Variants in C8A observed in about 807,000 individuals in gnomAD.
The protein encoded by C8A is complement component C8 alpha chain.
Under a neutral mutation model 65.3 loss-of-function variants are expected in C8A, and 67 were observed. That is an observed-to-expected ratio of 1.03 (90% confidence interval 0.84 to 1.26). C8A has a LOEUF of 1.26. Among genes scored for constraint, C8A ranks in the 50% most tolerant of loss-of-function variants. The pLI, the probability that C8A is intolerant of heterozygous loss-of-function variation, is 0.00. For missense variants in C8A, 781 were observed against 723.9 expected, an observed-to-expected ratio of 1.08 and a Z score of -0.90; for synonymous variants, 290 against 259.4, an observed-to-expected ratio of 1.12 and a Z score of -1.13.
chr1:56,917,557 C>T lies in C8A; in HGVS notation c.1604-8C>T. ...AACCTTCTCCTCCCTGGGAAATTTC[C>T]TCTGCAGGAGCCAAAGCAGATGGGA... is the stretch of plus-strand genomic sequence containing the variant. On this transcript the variant is annotated splice_polypyrimidine_tract_variant and splice_region_variant and intron_variant, in intron 10 of 10. Coordinates refer to ENST00000361249, the MANE Select transcript of C8A (RefSeq NM_000562.3). The T allele has an allele frequency of 6.2e-7, 1 of 1,614,130 alleles. No individual in the cohort carries two copies. Among genetic ancestry groups the T allele is most frequent in the South Asian group, 1.1e-5 (1 of 91,072 alleles).
At position 56,886,003 on chromosome 1, in the gene C8A, A is replaced by G. The variant is rs753059924; in HGVS notation, c.932A>G (p.Asp311Gly). Residue 311 changes from aspartate (D) to glycine (G), a missense_variant, in exon 7 of 11, where the codon GAT (aspartate) becomes GGT (glycine). Physicochemically the swap from Asp to Gly is moderately conservative, Grantham distance 94. Coordinates refer to ENST00000361249, the MANE Select transcript of C8A (RefSeq NM_000562.3). Reference protein sequence around the residue: ...FKMRKDDIMLDEGMLQSLMEL... With the variant: ...FKMRKDDIMLGEGMLQSLMEL... ...ATGAGGAAGGATGACATTATGCTGG[A>G]TGAAGGAATGCTGCAGTCATTAATG... 1.9e-6 allele frequency: 3 copies of G among 1,613,950 alleles called. No individual in the cohort carries two copies. In the African/African-American group the frequency reaches 4.0e-5, roughly 22 times the overall value.
chr1:56,888,028 T>C (rs556571707), intron 7 of C8A, among the ~76,000 whole-genome samples: 5 of 152,276 alleles, frequency 3.3e-5, no homozygotes, highest in South Asian at 4.1e-4. Context: ...AAATACCTAA[T>C]GTAGATGACG....
At chr1:56,882,665 T>C (rs1299506817) in intron 5 of C8A, among the ~76,000 whole-genome samples, 1 of 152,110 alleles carries the variant, frequency 6.6e-6, no homozygotes, top group Non-Finnish European at 1.5e-5. Flanking sequence ...CTCCAACCTC[T>C]ACTCTCTATC....
At chr1:56,875,985 A>C in intron 3 of C8A, 77 bp from the exon 4 acceptor site, 2 of 1,549,066 alleles carry the variant, frequency 1.3e-6, no homozygotes, top group Non-Finnish European at 1.8e-6. Context: ...TCTGAGGAAG[A>C]AAGGACTTAC....
At chr1:56,907,553 G>A (rs1321959825) in intron 8 of C8A, among the ~76,000 whole-genome samples, 2 of 152,074 alleles carry the variant, frequency 1.3e-5, no homozygotes, top group East Asian at 3.9e-4. Flanking sequence ...TTCTTTCACT[G>A]TGCCCACATT....
Position 56,883,697 on chromosome 1 carries a change from G to A in C8A, c.855+16G>A, listed in dbSNP as rs775559259. 6.9e-6 allele frequency: 11 copies of A among 1,600,580 alleles called. No individual in the cohort carries two copies. Among genetic ancestry groups the A allele is most frequent in the Middle Eastern group, 1.7e-4 (1 of 6,022 alleles). ...TAATGAGAAGGTATTCAAACATAAT[G>A]TCTGTGTCTCACAGTATTCCATAAT... On this transcript the variant is annotated intron_variant, in intron 6 of 10. Transcript: ENST00000361249.
intron 7 of C8A, among the ~76,000 whole-genome samples, chr1:56,904,647 A>G (rs913911328): frequency 6.6e-6 from 1 of 152,208 alleles, no homozygotes; most frequent in Non-Finnish European, 1.5e-5. Flanking sequence ...TTTTAACTGT[A>G]TGGCCTTAGG....
intron 10 of C8A, among the ~76,000 whole-genome samples, chr1:56,915,593 C>A (rs757760025): frequency 3.9e-5 from 6 of 152,206 alleles, no homozygotes; most frequent in Non-Finnish European, 8.8e-5. Flanking sequence ...GAAAAAATAA[C>A]TAAGCCTTAT....
At position 56,893,700 on chromosome 1, in the gene C8A, C is replaced by T. The variant is rs575314385; in HGVS notation, c.1096+7533C>T. 4.6e-5 allele frequency among the ~76,000 whole-genome samples: 7 copies of T among 152,104 alleles called. No individual in the cohort carries two copies. The East Asian group carries it at 1.4e-3, about 29-fold the overall frequency. On this transcript the variant is annotated intron_variant, in intron 7 of 10. Transcript: ENST00000361249. ...ATCATCTTAAGTTTCAATTTCCTCA[C>T]CTGCAAGCTGGAAATACTGTCATCT...
chr1:56,868,363 C>A (rs1644111813), intron 2 of C8A, among the ~76,000 whole-genome samples: 1 of 151,224 alleles, frequency 6.6e-6, no homozygotes, highest in Admixed American at 6.6e-5. Context: ...AATCCAAGCA[C>A]TTTGGGAGGC....
At chr1:56,870,493 T>C (rs1444531774) in intron 2 of C8A, among the ~76,000 whole-genome samples, 1 of 152,074 alleles carries the variant, frequency 6.6e-6, no homozygotes, top group Non-Finnish European at 1.5e-5. Context: ...TGCCTTCTTC[T>C]TACAAAGACA....
chr1:56,911,593 A>C (rs948042525), intron 9 of C8A, among the ~76,000 whole-genome samples: 2 of 152,232 alleles, frequency 1.3e-5, no homozygotes, highest in Non-Finnish European at 2.9e-5. Context: ...GCTGGCATGT[A>C]GTGGGTAGAG....
intron 9 of C8A, among the ~76,000 whole-genome samples, chr1:56,909,702 A>T (rs1345627978): frequency 6.6e-6 from 1 of 152,154 alleles, no homozygotes; most frequent in Non-Finnish European, 1.5e-5. Context: ...GAAAGACATA[A>T]TTTAGGTCAT....
chr1:56,906,338 G>A (rs923905450), intron 7 of C8A, among the ~76,000 whole-genome samples: 1 of 152,078 alleles, frequency 6.6e-6, no homozygotes, highest in Admixed American at 6.5e-5. Context: ...ATCATGGCCC[G>A]GGCACTGAGG....
intron 1 of C8A, among the ~76,000 whole-genome samples, chr1:56,867,109 C>A (rs1179268623): frequency 6.6e-6 from 1 of 152,166 alleles, no homozygotes; most frequent in Non-Finnish European, 1.5e-5. Flanking sequence ...TAATGAAAAT[C>A]ATCTTGTAGT....
rs61766989 is a variant in C8A, at chr1:56,908,037, C to T, written c.1304C>T (p.Ala435Val). The T allele has an allele frequency of 9.3e-6, 15 of 1,614,068 alleles. No homozygotes were observed. Among genetic ancestry groups the T allele is most frequent in the Non-Finnish European group, 1.2e-5 (14 of 1,179,984 alleles). The change falls in exon 9 of 11, where the codon GCA becomes GTA. Residue 435 changes from alanine to valine, a missense_variant. Coordinates refer to ENST00000361249, the MANE Select transcript of C8A (RefSeq NM_000562.3). ...GGSSGWSGGL[A>V]QNRSTITYRS... ...AGTTCTGGCTGGAGCGGTGGCTTGG[C>T]ACAGAACAGGAGCACCATTACATAC...
At chr1:56,874,507 C>A (rs1214952246) in intron 2 of C8A, among the ~76,000 whole-genome samples, 1 of 152,182 alleles carries the variant, frequency 6.6e-6, no homozygotes, top group African/African-American at 2.4e-5. Context: ...CTCTTCTCTA[C>A]CCTCAATATG....
intron 7 of C8A, among the ~76,000 whole-genome samples, chr1:56,902,161 A>G (rs959672743): frequency 2.0e-5 from 3 of 152,142 alleles, no homozygotes; most frequent in Non-Finnish European, 4.4e-5. Flanking sequence ...TGCAATGGTG[A>G]GAGCTCACTG....
At chr1:56,905,635 A>G (rs1254815638) in intron 7 of C8A, among the ~76,000 whole-genome samples, 1 of 152,190 alleles carries the variant, frequency 6.6e-6, no homozygotes, top group Non-Finnish European at 1.5e-5. Context: ...TAGTGAATCT[A>G]ATCTTTAGCT....
Sources: gnomAD v4.1 joint callset for allele counts (sites outside exome capture counted in the v4.1 genomes callset) on GRCh38, gnomAD v4.1.1 for gene constraint, MANE v1.5 for transcripts, NCBI Gene and HGNC (gene_info 2026-07-23, HGNC 2026-07-21) for gene names.